The following ZNF148 variants were observed in gnomAD, a reference collection of about 807,000 sequenced individuals.
ZNF148 encodes Beta-Enolase Repressor Factor-1.
In ZNF148, 7 loss-of-function variants were observed where a neutral mutation model predicts 67.7. The observed-to-expected ratio is 0.10, with a 90% CI of 0.06 to 0.19. The LOEUF (loss-of-function observed/expected upper bound fraction) is 0.19, where lower values mean the gene tolerates loss of function less well. Among genes scored for constraint, ZNF148 ranks in the 10% least tolerant of loss-of-function variants. The probability of loss-of-function intolerance (pLI) is 1.00; values close to 1 mark genes in which losing one functional copy is unlikely to be tolerated. For missense variants in ZNF148, 583 were observed against 947.1 expected, an observed-to-expected ratio of 0.62 and a Z score of 5.05; for synonymous variants, 333 against 330.7, an observed-to-expected ratio of 1.01 and a Z score of -0.08.
At chr3:125,368,576 AT>A (rs776577592) in intron 1 of ZNF148, among the ~76,000 whole-genome samples, 10 of 152,226 alleles carry the variant, frequency 6.6e-5, no homozygotes, top group South Asian at 2.1e-4. Flanking sequence ...ATTTCTAAAA[AT>A]CAAAATTTCA....
chr3:125,261,726 C>T (rs576365626), intron 7 of ZNF148, among the ~76,000 whole-genome samples: 2 of 151,342 alleles, frequency 1.3e-5, no homozygotes, highest in East Asian at 3.9e-4. Context: ...TCTAACATGA[C>T]CATGACAGAG....
intron 7 of ZNF148, among the ~76,000 whole-genome samples, chr3:125,275,625 G>A (rs1938015391): frequency 6.6e-6 from 1 of 152,098 alleles, no homozygotes. Context: ...ATTAATGTGA[G>A]GACTAAATGA....
chr3:125,313,796 A>G, intron 3 of ZNF148, 140 bp from the exon 4 acceptor site: 1 of 678,562 alleles, frequency 1.5e-6, no homozygotes, highest in Non-Finnish European at 2.3e-6. Flanking sequence ...CAATTTTAAA[A>G]TTATAATACC....
chr3:125,314,042 G>A (rs1362065504), intron 3 of ZNF148, among the ~76,000 whole-genome samples: 1 of 151,826 alleles, frequency 6.6e-6, no homozygotes, highest in African/African-American at 2.4e-5. Context: ...ACATCATCAA[G>A]CAAATCATTT....
At chr3:125,276,524 C>A (rs539828931) in intron 7 of ZNF148, among the ~76,000 whole-genome samples, 4 of 152,226 alleles carry the variant, frequency 2.6e-5, no homozygotes, top group Admixed American at 6.5e-5. Context: ...ACCTCCGCCT[C>A]CCGGGTTCAA....
intron 1 of ZNF148, among the ~76,000 whole-genome samples, chr3:125,339,166 C>G (rs1941616766): frequency 6.6e-6 from 1 of 152,106 alleles, no homozygotes; most frequent in Non-Finnish European, 1.5e-5. Flanking sequence ...GTGTGAGCCA[C>G]CATCCCCAGC....
At chr3:125,264,710 A>T (rs1272422938) in intron 7 of ZNF148, among the ~76,000 whole-genome samples, 1 of 152,230 alleles carries the variant, frequency 6.6e-6, no homozygotes, top group Non-Finnish European at 1.5e-5. Context: ...TTTTCCTCTG[A>T]AATGCCTTTC....
At chr3:125,276,395 T>C (rs1938066241) in intron 7 of ZNF148, among the ~76,000 whole-genome samples, 1 of 152,072 alleles carries the variant, frequency 6.6e-6, no homozygotes, top group Non-Finnish European at 1.5e-5. Flanking sequence ...ACAGACATGT[T>C]GCACAGTTAA....
chr3:125,304,828 T>C (rs1417443998), intron 4 of ZNF148, among the ~76,000 whole-genome samples: 2 of 152,182 alleles, frequency 1.3e-5, no homozygotes, highest in Admixed American at 6.5e-5. Flanking sequence ...GGCTTCTAAA[T>C]ACCATTCTCC....
In ZNF148 at chr3:125,279,240, G is replaced by C. The variant is rs1369024750; in HGVS notation, c.467C>G (p.Thr156Arg). 6.6e-7 allele frequency: 1 copy of C among 1,518,824 alleles called. No homozygotes were observed. Among genetic ancestry groups the C allele is most frequent in the Admixed American group, 2.0e-5 (1 of 50,694 alleles). The allele number at this position is 1,518,824 out of a possible 1,614,324, so 94.1% of individuals were successfully genotyped here. ...ACCAAGTGATCCATCCTCATTTATT[G>C]TAAGGATCTAGTTCAAAAAAAAAAA... ...RKQRSPAKIL[T>R]INEDGSLGLK... Residue 156 changes from threonine (T) to arginine (R), a missense_variant, in exon 6 of 9, where the codon ACA becomes AGA. By Grantham distance (71) the Thr-to-Arg change is moderately conservative. This residue lies in a region of ZNF148 where 150 missense variants were observed against 202.5 expected (regional missense o/e 0.74). Coordinates refer to ENST00000360647, the MANE Select transcript of ZNF148 (RefSeq NM_021964.3).
intron 7 of ZNF148, among the ~76,000 whole-genome samples, chr3:125,244,929 G>A (rs1266515798): frequency 1.3e-5 from 2 of 151,822 alleles, no homozygotes; most frequent in Non-Finnish European, 2.9e-5. Context: ...CCTTCTCAGT[G>A]GTCTTTCCAG....
intron 7 of ZNF148, among the ~76,000 whole-genome samples, chr3:125,241,314 TTTC>T (rs931184885): frequency 2.0e-5 from 3 of 150,846 alleles, no homozygotes; most frequent in African/African-American, 4.9e-5. Flanking sequence ...TTTTTCTTTC[TTTC>T]TTTTTTTTTT....
chr3:125,338,351 C>T (rs1045740346), intron 1 of ZNF148, among the ~76,000 whole-genome samples: 1 of 152,046 alleles, frequency 6.6e-6, no homozygotes, highest in South Asian at 2.1e-4. Flanking sequence ...GAAAACTCAT[C>T]ATTTTTATTA....
At chr3:125,351,202 G>A (rs1056987786) in intron 1 of ZNF148, among the ~76,000 whole-genome samples, 1 of 151,966 alleles carries the variant, frequency 6.6e-6, no homozygotes, top group African/African-American at 2.4e-5. Context: ...ATGAGACCCA[G>A]TCTCTACAAA....
chr3:125,342,248 C>T (rs190155520), intron 1 of ZNF148, among the ~76,000 whole-genome samples: 1 of 151,798 alleles, frequency 6.6e-6, no homozygotes, highest in Non-Finnish European at 1.5e-5. Context: ...TTTAGGAACA[C>T]TAACTTGCAG....
At position 125,258,775 on chromosome 3, in the gene ZNF148, T is replaced by C. The variant is rs1008303523; in HGVS notation, c.667+18951A>G. Reference sequence around the variant, plus strand: ...ACAGTCTAACCCATTTTTTAAGAAATAGATGTTATGTAAGAATACTTACAT... The same window carrying C: ...ACAGTCTAACCCATTTTTTAAGAAACAGATGTTATGTAAGAATACTTACAT... On this transcript the variant is annotated intron_variant, in intron 7 of 8. Transcript: ENST00000360647. 5.9e-5 allele frequency among the ~76,000 whole-genome samples: 9 copies of C among 152,166 alleles called. No individual in the cohort carries two copies. In the East Asian group the frequency reaches 7.7e-4, roughly 13 times the overall value.
chr3:125,345,820 A>C (rs561584348), intron 1 of ZNF148, among the ~76,000 whole-genome samples: 1 of 152,264 alleles, frequency 6.6e-6, no homozygotes, highest in South Asian at 2.1e-4. Flanking sequence ...TTCTTAATTT[A>C]AAAGCCCCCC....
chr3:125,257,713 C>T (rs1937150234), intron 7 of ZNF148, among the ~76,000 whole-genome samples: 1 of 152,032 alleles, frequency 6.6e-6, no homozygotes, highest in Non-Finnish European at 1.5e-5. Context: ...TTTCTCTCTA[C>T]CCTCAAAAAT....
rs1276726659 is a variant in ZNF148 at position 125,230,331 on chromosome 3, T to C, written c.*2010A>G. 1 of 152,560 alleles carries C rather than the reference T, an allele frequency of 6.6e-6. No individual in the cohort carries two copies. The highest frequency in any genetic ancestry group is 2.4e-5 in the African/African-American group (1 of 41,428). The allele number at this position is 152,560 out of a possible 1,614,324, so 9.5% of individuals were successfully genotyped here. A position where few individuals can be genotyped will look rare whatever the true frequency, so the allele number is the denominator to read the frequency against. ...AACGTATCACCTGAATGAAGCCTTT[T>C]TGTAATTATGTAATGCACAACACAA... On this transcript the variant is annotated 3_prime_UTR_variant, in exon 9 of 9. Coordinates refer to ENST00000360647, the MANE Select transcript of ZNF148 (RefSeq NM_021964.3).
Sources: gnomAD v4.1 joint callset for allele counts (sites outside exome capture counted in the v4.1 genomes callset) on GRCh38, gnomAD v4.1.1 for gene constraint, gnomAD v4.1.1 regional missense constraint, MANE v1.5 for transcripts, NCBI Gene and HGNC (gene_info 2026-07-23, HGNC 2026-07-21) for gene names.